The following DPF3 variants were observed in gnomAD, a reference collection of about 807,000 sequenced individuals.
DPF3 encodes the protein double PHD fingers 3.
DPF3 carries 18 observed loss-of-function variants against 56.8 expected under a neutral mutation model. That is an observed-to-expected ratio of 0.32 (90% CI 0.22 to 0.47). The LOEUF (loss-of-function observed/expected upper bound fraction) is 0.47. Among genes scored for constraint, DPF3 ranks in the 20% least tolerant of loss-of-function variants. The pLI is 1.00. For missense variants in DPF3, 403 were observed against 488.8 expected, an observed-to-expected ratio of 0.82 and a Z score of 1.65; for synonymous variants, 188 against 180.2, an observed-to-expected ratio of 1.04 and a Z score of -0.35.
At chr14:72,850,807 ATG>A (rs61246962) in intron 1 of DPF3, among the ~76,000 whole-genome samples, 31 of 151,746 alleles carry the variant, frequency 2.0e-4, no homozygotes, top group African/African-American at 5.1e-4. Flanking sequence ...GCATGTGTGC[ATG>A]TGTGTGTGTG....
chr14:72,843,587 G>A (rs1262844573), intron 1 of DPF3, among the ~76,000 whole-genome samples: 3 of 152,216 alleles, frequency 2.0e-5, no homozygotes, highest in African/African-American at 4.8e-5. Flanking sequence ...TGGTTGCCCA[G>A]GCTGGAGTGC....
chr14:72,678,157 T>C (rs1464064767), intron 7 of DPF3, among the ~76,000 whole-genome samples: 2 of 152,172 alleles, frequency 1.3e-5, no homozygotes, highest in Admixed American at 6.5e-5. Flanking sequence ...CAAGCCTCGG[T>C]TGGGCTCTTC....
At chr14:72,769,543 G>T (rs1367598457) in intron 2 of DPF3, among the ~76,000 whole-genome samples, 1 of 152,054 alleles carries the variant, frequency 6.6e-6, no homozygotes, top group Non-Finnish European at 1.5e-5. Flanking sequence ...AGCTGGGTGT[G>T]GTGGCATGTG....
Position 72,800,749 on chromosome 14 carries a change from G to GATGGATGC in DPF3, c.33-28857_33-28856insGCATCCAT, listed in dbSNP as rs1422502763. ...GGATAGATGCATGGGTGGATGCATG[G>GATGGATGC]ATGGGTGCATGGGTGGATGCATGAG... is the stretch of plus-strand genomic sequence containing the variant. On this transcript the variant is annotated intron_variant, in intron 1 of 10. Coordinates refer to ENST00000556509, the MANE Select transcript of DPF3 (RefSeq NM_001280542.3). Among the ~76,000 whole-genome samples, 673 of 152,004 alleles carry GATGGATGC rather than the reference G, an allele frequency of 4.4e-3. 7 individuals carry two copies. Among genetic ancestry groups the GATGGATGC allele is most frequent in the African/African-American group, 0.016 (651 of 41,490 alleles).
At chr14:72,632,580 G>A (rs572063300) in intron 8 of DPF3, among the ~76,000 whole-genome samples, 1 of 146,854 alleles carries the variant, frequency 6.8e-6, no homozygotes, top group Admixed American at 6.9e-5. Context: ...ATAAGAAAAA[G>A]GAGAGAGAGA....
intron 1 of DPF3, among the ~76,000 whole-genome samples, chr14:72,822,124 T>G (rs1883575070): frequency 6.6e-6 from 1 of 152,228 alleles, no homozygotes; most frequent in Non-Finnish European, 1.5e-5. Context: ...TGGCTTGTAA[T>G]CCCAGCACTT....
chr14:72,722,231 G>A (rs1177848303), intron 5 of DPF3, among the ~76,000 whole-genome samples: 1 of 152,132 alleles, frequency 6.6e-6, no homozygotes, highest in Non-Finnish European at 1.5e-5. Context: ...TAGGAGAAAA[G>A]AAGAGACGAG....
chr14:72,864,552 G>A lies in DPF3; in HGVS notation c.32+29505C>T, dbSNP rs530715222. Among the ~76,000 whole-genome samples, 97 of 152,308 alleles carry A rather than the reference G, an allele frequency of 6.4e-4. 1 individual carries two copies. Among genetic ancestry groups the A allele is most frequent in the Non-Finnish European group, 1.3e-3 (91 of 68,022 alleles). On this transcript the variant is annotated intron_variant, in intron 1 of 10. Coordinates refer to ENST00000556509, the MANE Select transcript of DPF3 (RefSeq NM_001280542.3). ...TGCCTGTAACACTTGAGTGACTTGG[G>A]TTGTTTATTTCTTCCCCTCCTACAA...
chr14:72,740,264 T>C (rs1484124045), intron 3 of DPF3, among the ~76,000 whole-genome samples: 1 of 152,198 alleles, frequency 6.6e-6, no homozygotes, highest in Admixed American at 6.5e-5. Context: ...CCAAATGCAA[T>C]GGCAAGCCGC....
At chr14:72,847,599 C>T (rs1450167607) in intron 1 of DPF3, among the ~76,000 whole-genome samples, 2 of 152,056 alleles carry the variant, frequency 1.3e-5, no homozygotes, top group Non-Finnish European at 2.9e-5. Flanking sequence ...ACAACCTCCG[C>T]CTCCCAGGTT....
chr14:72,749,278 G>C (rs1168585871), intron 3 of DPF3, among the ~76,000 whole-genome samples: 1 of 152,240 alleles, frequency 6.6e-6, no homozygotes, highest in Non-Finnish European at 1.5e-5. Context: ...TGCCATGCTG[G>C]ATTTTGAACT....
intron 3 of DPF3, among the ~76,000 whole-genome samples, chr14:72,741,120 T>C (rs1207160216): frequency 2.0e-5 from 3 of 152,144 alleles, no homozygotes; most frequent in Non-Finnish European, 4.4e-5. Flanking sequence ...GGCACACACT[T>C]TTCCAGCGGG....
chr14:72,619,604 C>T (rs903382336), intron 10 of DPF3, among the ~76,000 whole-genome samples: 10 of 152,148 alleles, frequency 6.6e-5, no homozygotes, highest in African/African-American at 2.2e-4. Context: ...AAACTAGTGT[C>T]GCCGGGCCTG....
chr14:72,677,502 T>C (rs111379968), intron 7 of DPF3, among the ~76,000 whole-genome samples: 1 of 152,278 alleles, frequency 6.6e-6, no homozygotes, highest in African/African-American at 2.4e-5. Flanking sequence ...TTGTTTATAT[T>C]GAGTCTGTGT....
chr14:72,892,315 T>G (rs1599531210), intron 1 of DPF3: 3 of 1,535,442 alleles, frequency 2.0e-6, no homozygotes, highest in Non-Finnish European at 2.6e-6. Context: ...TGCGGCGAAG[T>G]TACGCCCATT....
At chr14:72,650,294 C>T (rs116236719) in intron 8 of DPF3, among the ~76,000 whole-genome samples, 3 of 152,144 alleles carry the variant, frequency 2.0e-5, no homozygotes, top group Admixed American at 1.3e-4. Context: ...AACCCCGCCC[C>T]GACAGAGTTA....
At chr14:72,690,685 G>A (rs1887643423) in intron 7 of DPF3, among the ~76,000 whole-genome samples, 1 of 151,888 alleles carries the variant, frequency 6.6e-6, no homozygotes, top group Non-Finnish European at 1.5e-5. Context: ...GAGGCTACAG[G>A]AGAACCAAGG....
intron 5 of DPF3, among the ~76,000 whole-genome samples, chr14:72,721,894 AC>A (rs1889189493): frequency 6.6e-6 from 1 of 152,112 alleles, no homozygotes; most frequent in Non-Finnish European, 1.5e-5. Flanking sequence ...AAGACAAACA[AC>A]CCAAATTCTT....
At chr14:72,701,791 G>C (rs779456692) in intron 6 of DPF3, among the ~76,000 whole-genome samples, 10 of 152,136 alleles carry the variant, frequency 6.6e-5, no homozygotes, top group Non-Finnish European at 1.5e-4. Context: ...CAGAGACAAA[G>C]CCTGGGCCCT....
Sources: gnomAD v4.1 joint callset for allele counts (sites outside exome capture counted in the v4.1 genomes callset) on GRCh38, gnomAD v4.1.1 for gene constraint, MANE v1.5 for transcripts, NCBI Gene and HGNC (gene_info 2026-07-23, HGNC 2026-07-21) for gene names.